Variants in NOL4 observed in about 807,000 individuals in gnomAD.
NOL4 encodes the protein cancer/testis antigen 125.
NOL4 carries 17 observed loss-of-function variants against 75.9 expected under a neutral mutation model. The observed-to-expected ratio is 0.22, with a 90% CI of 0.15 to 0.34. NOL4 has a LOEUF of 0.34. Ranked by LOEUF, NOL4 falls within the 10% of genes least tolerant of loss-of-function variation. NOL4 has a pLI of 1.00. For missense variants in NOL4, 614 were observed against 793.5 expected, an observed-to-expected ratio of 0.77 and a Z score of 2.72; for synonymous variants, 292 against 289.9, an observed-to-expected ratio of 1.01 and a Z score of -0.07.
chr18:34,015,119 T>C (rs1204967464), intron 6 of NOL4, among the ~76,000 whole-genome samples: 3 of 152,032 alleles, frequency 2.0e-5, no homozygotes, highest in Non-Finnish European at 4.4e-5. Context: ...AACAGAACTT[T>C]ACTATGAAGT....
rs1012232189 is a variant in NOL4, at chr18:34,019,450, G to A, written c.924C>T (p.Asp308=). Residue 308 remains aspartate, a synonymous_variant, in exon 6 of 11, where the codon GAC becomes GAT. Transcript: ENST00000261592. ...EQDEQPLNLS[D]SPLSAQLTSE... ...AAGTTAGCTGCGCAGAGAGGGGACT[G>A]TCACTCAGGTTCAGTGGCTGTTCAT... 1 of 1,613,950 alleles carries A rather than the reference G, an allele frequency of 6.2e-7. No homozygotes were observed. The highest frequency in any genetic ancestry group is 8.5e-7 in the Non-Finnish European group (1 of 1,179,978).
intron 1 of NOL4, among the ~76,000 whole-genome samples, chr18:34,148,152 C>A (rs565306286): frequency 6.6e-6 from 1 of 151,948 alleles, no homozygotes; most frequent in African/African-American, 2.4e-5. Flanking sequence ...TTGATCTTTT[C>A]AAAGAAAACT....
At chr18:33,895,584 A>G (rs2065348669) in intron 9 of NOL4, among the ~76,000 whole-genome samples, 1 of 152,132 alleles carries the variant, frequency 6.6e-6, no homozygotes, top group South Asian at 2.1e-4. Context: ...TTTTCACCTC[A>G]GAAACATCTT....
At chr18:34,143,864 CAA>C (rs754617814) in intron 1 of NOL4, among the ~76,000 whole-genome samples, 4,575 of 65,844 alleles carry the variant, frequency 0.069, 254 homozygotes, top group African/African-American at 0.22. Flanking sequence ...AACTCCATCT[CAA>C]AAAAAAAAAA....
At chr18:34,140,377 T>C (rs964040717) in intron 1 of NOL4, among the ~76,000 whole-genome samples, 23 of 152,308 alleles carry the variant, frequency 1.5e-4, no homozygotes, top group African/African-American at 5.5e-4. Flanking sequence ...ATTGGGTGCA[T>C]ATATATTTAG....
chr18:34,055,593 G>A (rs1047323652), intron 5 of NOL4, among the ~76,000 whole-genome samples: 1 of 151,962 alleles, frequency 6.6e-6, no homozygotes, highest in Non-Finnish European at 1.5e-5. Flanking sequence ...CTATGGATTC[G>A]TCCTGGTTGC....
At chr18:34,188,296 A>T (rs1393205228) in intron 1 of NOL4, among the ~76,000 whole-genome samples, 1 of 152,204 alleles carries the variant, frequency 6.6e-6, no homozygotes, top group Non-Finnish European at 1.5e-5. Flanking sequence ...TAGCAGGGCA[A>T]ATTCAGTCTC....
intron 1 of NOL4, among the ~76,000 whole-genome samples, chr18:34,136,699 A>C (rs772657958): frequency 6.6e-6 from 1 of 152,170 alleles, no homozygotes; most frequent in Non-Finnish European, 1.5e-5. Flanking sequence ...GAGCTAAATA[A>C]ACTGAAATAC....
At chr18:34,177,714 C>G (rs2033674428) in intron 1 of NOL4, among the ~76,000 whole-genome samples, 1 of 151,712 alleles carries the variant, frequency 6.6e-6, no homozygotes, top group Non-Finnish European at 1.5e-5. Flanking sequence ...TGTACATAGT[C>G]AAAGCACTAA....
At chr18:34,150,010 A>G (rs761303997) in intron 1 of NOL4, among the ~76,000 whole-genome samples, 1 of 151,598 alleles carries the variant, frequency 6.6e-6, no homozygotes, top group Non-Finnish European at 1.5e-5. Flanking sequence ...GTATTCCTCT[A>G]TTTACTACCT....
chr18:34,017,789 T>C (rs945548181), intron 6 of NOL4, among the ~76,000 whole-genome samples: 1 of 152,166 alleles, frequency 6.6e-6, no homozygotes, highest in African/African-American at 2.4e-5. Context: ...ATTTTTCTTC[T>C]GCGTCTTTGG....
intron 10 of NOL4, among the ~76,000 whole-genome samples, chr18:33,856,445 A>C (rs1389359466): frequency 1.3e-5 from 2 of 152,022 alleles, no homozygotes; most frequent in Admixed American, 6.6e-5. Flanking sequence ...GATAGAGAAA[A>C]ATAAGTTATT....
chr18:34,203,435 A>G (rs771163578), intron 1 of NOL4, among the ~76,000 whole-genome samples: 1 of 152,060 alleles, frequency 6.6e-6, no homozygotes, highest in Non-Finnish European at 1.5e-5. Flanking sequence ...CACACCACAC[A>G]CACACACATA....
intron 5 of NOL4, among the ~76,000 whole-genome samples, chr18:34,087,423 T>A (rs779597588): frequency 1.4e-4 from 22 of 152,216 alleles, no homozygotes; most frequent in Non-Finnish European, 2.8e-4. Flanking sequence ...AATGTACATA[T>A]GTGAGCATCA....
chr18:34,042,436 T>C (rs1375596942), intron 5 of NOL4, among the ~76,000 whole-genome samples: 3 of 152,110 alleles, frequency 2.0e-5, no homozygotes, highest in African/African-American at 7.2e-5. Context: ...CCCAGTGGAT[T>C]CACATGAATG....
chr18:34,203,579 T>G (rs1005411377), intron 1 of NOL4, among the ~76,000 whole-genome samples: 5 of 151,958 alleles, frequency 3.3e-5, no homozygotes, highest in Non-Finnish European at 7.4e-5. Context: ...AGTGTAATAT[T>G]TCTTACAATT....
chr18:34,123,106 ATAAGCTCT>A (rs2080221625), intron 2 of NOL4, among the ~76,000 whole-genome samples: 1 of 149,360 alleles, frequency 6.7e-6, no homozygotes, highest in Non-Finnish European at 1.5e-5. Context: ...ACTTCTTTGG[ATAAGCTCT>A]TACGTCTTTT....
chr18:34,004,619 A>G (rs1237105540), intron 6 of NOL4, among the ~76,000 whole-genome samples: 1 of 152,106 alleles, frequency 6.6e-6, no homozygotes, highest in African/African-American at 2.4e-5. Flanking sequence ...TTTTGCAATA[A>G]AGATCATTCT....
chr18:34,177,086 C>T, intron 1 of NOL4, among the ~76,000 whole-genome samples: 1 of 151,788 alleles, frequency 6.6e-6, no homozygotes, highest in South Asian at 2.1e-4. Context: ...ATATGTCAAA[C>T]CTACTGGCAT....
Sources: allele counts gnomAD v4.1 joint callset (sites outside exome capture counted in the v4.1 genomes callset), GRCh38; gene constraint gnomAD v4.1.1; transcripts MANE v1.5; gene names NCBI Gene and HGNC (gene_info 2026-07-23, HGNC 2026-07-21).